Variants in TCERG1L observed in about 807,000 individuals in gnomAD.
TCERG1L encodes transcription elongation regulator 1-like protein.
In TCERG1L, 37 loss-of-function variants were observed where a neutral mutation model predicts 56.3. The observed-to-expected ratio is 0.66, with a 90% CI of 0.51 to 0.87. TCERG1L has a LOEUF of 0.87. Among genes scored for constraint, TCERG1L ranks in the 40% least tolerant of loss-of-function variants. The pLI is 0.00. For missense variants in TCERG1L, 799 were observed against 774.2 expected, an observed-to-expected ratio of 1.03 and a Z score of -0.38; for synonymous variants, 324 against 326.3, an observed-to-expected ratio of 0.99 and a Z score of 0.08.
intron 4 of TCERG1L, among the ~76,000 whole-genome samples, chr10:131,202,235 G>A (rs1165746638): frequency 6.6e-6 from 1 of 152,190 alleles, no homozygotes; most frequent in Non-Finnish European, 1.5e-5. Context: ...TGCCCCCAAA[G>A]CAAGTAGGTA....
intron 4 of TCERG1L, among the ~76,000 whole-genome samples, chr10:131,254,024 C>T (rs1320836489): frequency 1.3e-5 from 2 of 152,142 alleles, no homozygotes; most frequent in Admixed American, 6.5e-5. Context: ...TGGGAGGACT[C>T]GGGCCACGTG....
At chr10:131,240,899 G>C (rs2133520677) in intron 4 of TCERG1L, among the ~76,000 whole-genome samples, 1 of 152,358 alleles carries the variant, frequency 6.6e-6, no homozygotes, top group East Asian at 1.9e-4. Flanking sequence ...TCCCCTGCGA[G>C]GGGCTGCAGC....
At chr10:131,227,589 C>T (rs1056598049) in intron 4 of TCERG1L, among the ~76,000 whole-genome samples, 1 of 152,220 alleles carries the variant, frequency 6.6e-6, no homozygotes, top group African/African-American at 2.4e-5. Flanking sequence ...CATGCGCCTG[C>T]ATCCACATCG....
At chr10:131,189,787 T>C (rs1845285742) in intron 4 of TCERG1L, among the ~76,000 whole-genome samples, 1 of 152,174 alleles carries the variant, frequency 6.6e-6, no homozygotes, top group Non-Finnish European at 1.5e-5. Flanking sequence ...CTAATTTACA[T>C]TCCCACCAAC....
intron 4 of TCERG1L, among the ~76,000 whole-genome samples, chr10:131,206,174 A>G (rs1201767977): frequency 2.0e-5 from 3 of 152,228 alleles, no homozygotes; most frequent in Non-Finnish European, 4.4e-5. Flanking sequence ...CAACGAATGA[A>G]CTGCCAATCG....
rs961649815 is a variant in TCERG1L at position 131,266,941 on chromosome 10, T to C, written c.671-6497A>G. Among the ~76,000 whole-genome samples the C allele has an allele frequency of 3.3e-5, 5 of 152,018 alleles. No individual in the cohort carries two copies. The East Asian group carries it at 7.7e-4, about 24-fold the overall frequency. The stretch of plus-strand genomic sequence containing the variant: ...TCAGAGGGGAGGAAGTGCCTTCCAA[T>C]TGGTCCATGGGTGGCCATGAGAGGG... On this transcript the variant is annotated intron_variant, in intron 3 of 11. Transcript: ENST00000368642.
rs970482947 is a variant in TCERG1L, at chr10:131,134,391, G to C, written c.1247C>G (p.Thr416Ser). ...EDNREDQDVK[T>S]KRNRTEGCGS... ...CACGGCCACCTACCGGTTCCTCTTG[G>C]TTTTCACATCTTGGTCTTCCCTGTT... Residue 416 changes from threonine to serine, a missense_variant, in exon 8 of 12, where the codon ACC becomes AGC. Coordinates refer to ENST00000368642, the MANE Select transcript of TCERG1L (RefSeq NM_174937.4). 4.4e-6 allele frequency: 7 copies of C among 1,592,096 alleles called. No individual in the cohort carries two copies. The highest frequency in any genetic ancestry group is 6.0e-6 in the Non-Finnish European group (7 of 1,168,554).
chr10:131,133,146 C>T (rs61862994), intron 8 of TCERG1L, among the ~76,000 whole-genome samples: 11 of 152,128 alleles, frequency 7.2e-5, no homozygotes, highest in South Asian at 2.1e-4. Context: ...CTGCCCTGAC[C>T]GCCCTGGCTG....
At chr10:131,284,016 G>A (rs1287769927) in intron 3 of TCERG1L, among the ~76,000 whole-genome samples, 5 of 151,770 alleles carry the variant, frequency 3.3e-5, no homozygotes, top group Admixed American at 6.6e-5. Context: ...CCAGCTACTT[G>A]GGAGGCTGAG....
intron 3 of TCERG1L, among the ~76,000 whole-genome samples, chr10:131,287,804 C>T (rs950866228): frequency 3.3e-5 from 5 of 152,190 alleles, no homozygotes; most frequent in Non-Finnish European, 7.3e-5. Flanking sequence ...AATCTCACTT[C>T]ACAGATGAGA....
intron 4 of TCERG1L, among the ~76,000 whole-genome samples, chr10:131,183,423 C>G (rs1025699903): frequency 2.6e-5 from 4 of 152,176 alleles, no homozygotes; most frequent in African/African-American, 9.7e-5. Flanking sequence ...ATTGAGCTAC[C>G]TATCAAATGG....
chr10:131,093,015 C>T lies in TCERG1L; in HGVS notation c.*147G>A, dbSNP rs1218998198. ...AGAGCTTCAATATGAAACAGTAATC[C>T]TCTGAGAACGAAGACCCCGCAGTGC... On this transcript the variant is annotated 3_prime_UTR_variant, in exon 12 of 12. Coordinates refer to ENST00000368642, the MANE Select transcript of TCERG1L (RefSeq NM_174937.4). The T allele has an allele frequency of 2.9e-6, 2 of 688,034 alleles. No individual in the cohort carries two copies. The highest frequency in any genetic ancestry group is 1.8e-5 in the African/African-American group (1 of 55,406). 42.6% of individuals were successfully genotyped at this position (688,034 alleles called of 1,614,324 possible).
At chr10:131,099,620 G>A (rs1433775445) in intron 10 of TCERG1L, among the ~76,000 whole-genome samples, 1 of 152,062 alleles carries the variant, frequency 6.6e-6, no homozygotes, top group Non-Finnish European at 1.5e-5. Context: ...AGAAAGCAAG[G>A]GTGGGCAGGT....
chr10:131,147,184 TC>T lies in TCERG1L; in HGVS notation c.1035-525del, dbSNP rs760008565. ...GTCATTAGCAACCACAGCCCCGGTGTCCTGCTCATTTGTGGATGGGCAAATA... is the reference window on the plus strand; with the variant it reads ...GTCATTAGCAACCACAGCCCCGGTGTCTGCTCATTTGTGGATGGGCAAATA... On this transcript the variant is annotated intron_variant, in intron 6 of 11. Transcript: ENST00000368642. 1.7e-3 allele frequency among the ~76,000 whole-genome samples: 262 copies of T among 152,254 alleles called. 3 individuals carry two copies. Among genetic ancestry groups the T allele is most frequent in the Non-Finnish European group, 2.7e-3 (182 of 68,016 alleles).
At chr10:131,208,839 C>T (rs1187572253) in intron 4 of TCERG1L, among the ~76,000 whole-genome samples, 2 of 152,114 alleles carry the variant, frequency 1.3e-5, no homozygotes, top group Non-Finnish European at 2.9e-5. Context: ...GGACGGATCA[C>T]GAGGTCAGGA....
At chr10:131,233,977 G>A (rs1845880989) in intron 4 of TCERG1L, among the ~76,000 whole-genome samples, 1 of 152,134 alleles carries the variant, frequency 6.6e-6, no homozygotes, top group African/African-American at 2.4e-5. Flanking sequence ...ATGCCTCTTG[G>A]CTCTTGACTC....
At chr10:131,255,789 C>T (rs1846160099) in intron 4 of TCERG1L, among the ~76,000 whole-genome samples, 1 of 152,224 alleles carries the variant, frequency 6.6e-6, no homozygotes, top group Admixed American at 6.5e-5. Flanking sequence ...GTGAGCCAGA[C>T]CTTGCTCATA....
chr10:131,272,071 CG>C (rs1846345244), intron 3 of TCERG1L, among the ~76,000 whole-genome samples: 1 of 152,186 alleles, frequency 6.6e-6, no homozygotes, highest in African/African-American at 2.4e-5. Flanking sequence ...AGCAGGCACA[CG>C]GGGCTCTGAC....
intron 10 of TCERG1L, among the ~76,000 whole-genome samples, chr10:131,102,502 A>T (rs978230027): frequency 2.0e-5 from 3 of 152,206 alleles, no homozygotes; most frequent in African/African-American, 7.2e-5. Flanking sequence ...AGAGGACAGA[A>T]TTGAAAATAA....
Sources: allele counts gnomAD v4.1 joint callset (sites outside exome capture counted in the v4.1 genomes callset), GRCh38; gene constraint gnomAD v4.1.1; transcripts MANE v1.5; gene names NCBI Gene and HGNC (gene_info 2026-07-23, HGNC 2026-07-21).